Variants in TNKS2 observed in about 807,000 individuals in gnomAD.
TNKS2 encodes the protein tankyrase 2, also known as poly [ADP-ribose] polymerase tankyrase-2.
A neutral mutation model predicts 137.6 loss-of-function variants in TNKS2; 72 were observed. The observed-to-expected ratio is 0.52, with a 90% confidence interval of 0.43 to 0.64. TNKS2 has a LOEUF of 0.64. Among genes scored for constraint, TNKS2 ranks in the 30% least tolerant of loss-of-function variants. The pLI, the probability that TNKS2 is intolerant of heterozygous loss-of-function variation, is 0.00. For synonymous variants in TNKS2, 516 were observed against 512.1 expected, an observed-to-expected ratio of 1.01 and a Z score of -0.10; for missense variants, 1,049 against 1,410.2, an observed-to-expected ratio of 0.74 and a Z score of 4.10.
intron 25 of TNKS2, 74 bp from the exon 26 acceptor site, chr10:91,861,925 T>G (rs564867406): frequency 2.2e-6 from 3 of 1,347,228 alleles, no homozygotes; most frequent in Non-Finnish European, 3.0e-6. Flanking sequence ...TTAAAACTTA[T>G]GCCGTGTCCA....
At chr10:91,835,052 TC>T (rs1262480801) in intron 12 of TNKS2, among the ~76,000 whole-genome samples, 2 of 152,216 alleles carry the variant, frequency 1.3e-5, no homozygotes, top group East Asian at 3.8e-4. Context: ...GCACCTGTTT[TC>T]TGTCAGCACT....
chr10:91,831,892 A>G (rs549724704), intron 11 of TNKS2, among the ~76,000 whole-genome samples: 9 of 152,264 alleles, frequency 5.9e-5, no homozygotes, highest in African/African-American at 1.9e-4. Flanking sequence ...TTTAGTTGAA[A>G]TTCAGTATAC....
chr10:91,809,393 G>A (rs145511034), intron 1 of TNKS2, among the ~76,000 whole-genome samples: 4 of 152,148 alleles, frequency 2.6e-5, no homozygotes, highest in Admixed American at 1.3e-4. Flanking sequence ...TGGGCTGGGC[G>A]CGGTGGCTCA....
At chr10:91,808,138 A>G (rs941150225) in intron 1 of TNKS2, among the ~76,000 whole-genome samples, 5 of 151,922 alleles carry the variant, frequency 3.3e-5, no homozygotes, top group African/African-American at 1.2e-4. Context: ...AGATAGACCA[A>G]CTAAATGGTG....
chr10:91,859,700 G>A, intron 25 of TNKS2, 52 bp downstream of exon 25: 1 of 1,506,296 alleles, frequency 6.6e-7, no homozygotes, highest in Admixed American at 1.9e-5. Context: ...ATAAGAACTA[G>A]TTGCATTTTT....
At chr10:91,828,558 C>G in intron 9 of TNKS2, 152 bp downstream of exon 9, 1 of 843,286 alleles carries the variant, frequency 1.2e-6, no homozygotes, top group East Asian at 3.2e-5. Flanking sequence ...TTAAACAGTA[C>G]CAAAAAATAG....
chr10:91,843,798 C>T (rs774436027), intron 16 of TNKS2, among the ~76,000 whole-genome samples: 3 of 152,172 alleles, frequency 2.0e-5, no homozygotes, highest in East Asian at 1.9e-4. Flanking sequence ...TCTGCCATTT[C>T]GTGTAATGTG....
chr10:91,828,199 A>G, intron 8 of TNKS2, 86 bp from the exon 9 acceptor site: 1 of 1,323,702 alleles, frequency 7.6e-7, no homozygotes, highest in Non-Finnish European at 9.9e-7. Context: ...TTTTGAAAAT[A>G]ATTTCAAGGA....
chr10:91,822,282 C>G lies in TNKS2; in HGVS notation c.729-14C>G, dbSNP rs368300108. 12 of 1,599,286 alleles carry G rather than the reference C, an allele frequency of 7.5e-6. 1 individual carries two copies. The South Asian group carries it at 9.2e-5, about 12-fold the overall frequency. ...CTATACTGAAACAGGATTTTCCCCCCCTTCTCATTGTAGTGATCTGGTACC... is the reference window on the plus strand; with the variant it reads ...CTATACTGAAACAGGATTTTCCCCCGCTTCTCATTGTAGTGATCTGGTACC... On this transcript the variant is annotated splice_polypyrimidine_tract_variant and intron_variant, in intron 6 of 26. Transcript: ENST00000371627.
At chr10:91,823,320 G>GTTTTT (rs3043666) in intron 7 of TNKS2, among the ~76,000 whole-genome samples, 40 of 113,590 alleles carry the variant, frequency 3.5e-4, no homozygotes, top group Non-Finnish European at 5.7e-4. Context: ...TGGTTTTTTG[G>GTTTTT]TTTTTTTTTT....
chr10:91,832,835 T>C (rs1035807661), intron 11 of TNKS2, among the ~76,000 whole-genome samples: 14 of 152,204 alleles, frequency 9.2e-5, no homozygotes, highest in African/African-American at 2.4e-4. Flanking sequence ...TTCAAAGATA[T>C]AACCAAGTAG....
At position 91,834,032 on chromosome 10, in the gene TNKS2, A is replaced by C; in HGVS notation, c.1447+8A>C. On this transcript the variant is annotated splice_region_variant and intron_variant, in intron 12 of 26. Coordinates refer to ENST00000371627, the MANE Select transcript of TNKS2 (RefSeq NM_025235.4). Reference sequence around the variant, plus strand: ...TACAGCAACTCCTCCAAGGTATTACATGCTTCAATGAAATTGATTTTTTTA... The same window carrying C: ...TACAGCAACTCCTCCAAGGTATTACCTGCTTCAATGAAATTGATTTTTTTA... The C allele has an allele frequency of 1.3e-6, 2 of 1,541,366 alleles. No individual in the cohort carries two copies. Among genetic ancestry groups the C allele is most frequent in the Non-Finnish European group, 1.7e-6 (2 of 1,144,328 alleles).
At chr10:91,804,410 A>G (rs1282309179) in intron 1 of TNKS2, among the ~76,000 whole-genome samples, 1 of 152,220 alleles carries the variant, frequency 6.6e-6, no homozygotes, top group Non-Finnish European at 1.5e-5. Context: ...TACTCTGTGT[A>G]TGGTTTCATC....
At chr10:91,851,401 C>A in intron 21 of TNKS2, 65 bp downstream of exon 21, 1 of 1,508,288 alleles carries the variant, frequency 6.6e-7, no homozygotes, top group Non-Finnish European at 8.8e-7. Context: ...CCTCAGTGTA[C>A]TAAGTTATAA....
At chr10:91,833,828 T>A in intron 11 of TNKS2, 25 bp from the exon 12 acceptor site, 1 of 1,543,980 alleles carries the variant, frequency 6.5e-7, no homozygotes, top group Non-Finnish European at 8.7e-7. Context: ...TGCGGGCTAA[T>A]TTCAATTTTT....
chr10:91,821,145 C>G (rs1453307272), intron 6 of TNKS2, among the ~76,000 whole-genome samples: 2 of 152,144 alleles, frequency 1.3e-5, no homozygotes, highest in Non-Finnish European at 2.9e-5. Flanking sequence ...TCAAGTGATT[C>G]TCCTGCCTCA....
In TNKS2 at chr10:91,831,171, A is replaced by G; in HGVS notation, c.1265A>G (p.His422Arg). 6.2e-7 allele frequency: 1 copy of G among 1,613,928 alleles called. No individual in the cohort carries two copies. The highest frequency in any genetic ancestry group is 8.5e-7 in the Non-Finnish European group (1 of 1,179,848). The change falls in exon 11 of 27, where the codon CAT (histidine) becomes CGT (arginine). Residue 422 changes from histidine to arginine, a missense_variant. This residue lies in a region of TNKS2 where 328 missense variants were observed against 436.0 expected (regional missense o/e 0.75). Transcript: ENST00000371627. The stretch of plus-strand genomic sequence containing the variant: ...GATGTTGTTGAAGTAGTGGTGAAAC[A>G]TGAAGCAAAGGTATACTTCCTTTTT... Reference protein sequence around the residue: ...HNDVVEVVVKHEAKVNALDNL... With the variant: ...HNDVVEVVVKREAKVNALDNL...
rs1488578658 is a variant in TNKS2, at chr10:91,864,066, CT to C, written c.*1068del. 1.3e-5 allele frequency: 2 copies of C among 151,896 alleles called. No homozygotes were observed. Among genetic ancestry groups the C allele is most frequent in the Non-Finnish European group, 2.9e-5 (2 of 67,960 alleles). 9.4% of individuals were successfully genotyped at this position (151,896 alleles called of 1,614,324 possible). A position where few individuals can be genotyped will look rare whatever the true frequency, so the allele number is the denominator to read the frequency against. On this transcript the variant is annotated 3_prime_UTR_variant, in exon 27 of 27. Coordinates refer to ENST00000371627, the MANE Select transcript of TNKS2 (RefSeq NM_025235.4). ...CTGTTCTTTTTACTTGGTTTTATTG[CT>C]GTATTTATAGCCAATCTATACATCA...
Position 91,852,211 on chromosome 10 carries a change from G to C in TNKS2, c.2815+875G>C, listed in dbSNP as rs557835412. 2.0e-3 allele frequency among the ~76,000 whole-genome samples: 297 copies of C among 151,652 alleles called. 1 individual carries two copies. Among genetic ancestry groups the C allele is most frequent in the African/African-American group, 6.8e-3 (280 of 41,348 alleles). ...CCACTGCACTCCAGCCTGGGCGACA[G>C]AGCGAGACTCCATCTCAAAAAAAAT... On this transcript the variant is annotated intron_variant, in intron 21 of 26. Transcript: ENST00000371627.
Sources: allele counts gnomAD v4.1 joint callset (sites outside exome capture counted in the v4.1 genomes callset), GRCh38; gene constraint gnomAD v4.1.1; regional missense constraint gnomAD v4.1.1; transcripts MANE v1.5; gene names NCBI Gene and HGNC (gene_info 2026-07-23, HGNC 2026-07-21).